FMNL1: variants seen among roughly 807,000 people sequenced by gnomAD.
The protein encoded by FMNL1 is formin like 1, also known as formin-like protein 1.
FMNL1 carries 43 observed loss-of-function variants against 121.3 expected under a neutral mutation model. That is an observed-to-expected ratio of 0.35 (90% confidence interval 0.28 to 0.46). FMNL1 has a LOEUF of 0.46. FMNL1 is among the 20% of genes least tolerant of loss of function. The probability of loss-of-function intolerance (pLI) is 1.00; values close to 1 mark genes in which losing one functional copy is unlikely to be tolerated. For synonymous variants in FMNL1, 613 were observed against 613.5 expected, an observed-to-expected ratio of 1.00 and a Z score of 0.01; for missense variants, 1,191 against 1,482.4, an observed-to-expected ratio of 0.80 and a Z score of 3.23.
At chr17:45,240,893 GC>G (rs2143532370) in intron 12 of FMNL1, 1 of 695,684 alleles carries the variant, frequency 1.4e-6, no homozygotes, top group East Asian at 2.7e-5. Context: ...GGTGCCTGGG[GC>G]CCCTCCCAGC....
In FMNL1 at chr17:45,239,176, T is replaced by C; in HGVS notation, c.1080+111T>C. 3 of 853,634 alleles carry C rather than the reference T, an allele frequency of 3.5e-6. No individual in the cohort carries two copies. In the East Asian group the frequency reaches 7.5e-5, roughly 21 times the overall value. The allele number at this position is 853,634 out of a possible 1,614,324, so 52.9% of individuals were successfully genotyped here. A position where few individuals can be genotyped will look rare whatever the true frequency, so the allele number is the denominator to read the frequency against. On this transcript the variant is annotated intron_variant, in intron 11 of 26. Transcript: ENST00000331495. ...GGTAGACCTGGGTTTAAATCCTGGCTCTGCCGTTGCCTGCCGTGTGACCTT... is the reference window on the plus strand; with the variant it reads ...GGTAGACCTGGGTTTAAATCCTGGCCCTGCCGTTGCCTGCCGTGTGACCTT...
intron 11 of FMNL1, among the ~76,000 whole-genome samples, chr17:45,239,469 G>T (rs1391095513): frequency 8.5e-5 from 13 of 152,162 alleles, no homozygotes; most frequent in Non-Finnish European, 1.8e-4. Flanking sequence ...GGCTCATGCT[G>T]GATGGGCCCA....
At chr17:45,245,766 T>A in intron 23 of FMNL1, 33 bp downstream of exon 23, 1 of 1,612,170 alleles carries the variant, frequency 6.2e-7, no homozygotes, top group Middle Eastern at 1.7e-4. Context: ...GGGAGCCCTG[T>A]AGGGCACTGA....
chr17:45,241,503 A>G lies in FMNL1; in HGVS notation c.1454A>G (p.Glu485Gly). ...ALELKVEELE[E>G]KGLIRILRGP... ...GAGCTGAAGGTGGAGGAGCTGGAGG[A>G]GAAGGGGTTAATCCGTATTCTGCGG... Residue 485 changes from glutamate to glycine, a missense_variant, in exon 14 of 27, where the codon GAG (glutamate) becomes GGG (glycine). Physicochemically the swap from Glu to Gly is moderately conservative, Grantham distance 98. This residue lies in a region of FMNL1 where 519 missense variants were observed against 492.8 expected (regional missense o/e 1.05). Coordinates refer to ENST00000331495, the MANE Select transcript of FMNL1 (RefSeq NM_005892.4). The surrounding 1 kb of genome is among the most constrained non-coding windows in gnomAD (Gnocchi z 7.0). 6.3e-7 allele frequency: 1 copy of G among 1,579,956 alleles called. No individual in the cohort carries two copies. The highest frequency in any genetic ancestry group is 8.6e-7 in the Non-Finnish European group (1 of 1,163,930).
chr17:45,225,061 G>A (rs924186241), intron 1 of FMNL1, among the ~76,000 whole-genome samples: 16 of 152,228 alleles, frequency 1.1e-4, no homozygotes, highest in African/African-American at 3.1e-4. Context: ...CTGATCTGCC[G>A]GGCAGGGAGA....
rs1438522150 is a variant in FMNL1, at chr17:45,222,190, C to G, written c.66C>G (p.Pro22=). 4 of 1,249,182 alleles carry G rather than the reference C, an allele frequency of 3.2e-6. No individual in the cohort carries two copies. The highest frequency in any genetic ancestry group is 7.3e-5 in the East Asian group (2 of 27,536). 77.4% of individuals were successfully genotyped at this position (1,249,182 alleles called of 1,614,324 possible). Residue 22 remains proline (P), a synonymous_variant, in exon 1 of 27, where the codon CCC becomes CCG. Transcript: ENST00000331495. ...CCGCCGCGCCGCCCCCCAAGCAGCC[C>G]GCGCCTCCCAAGCAGCCGATGCCCG... The part of the protein sequence containing the change: ...AGPAAPPPKQ[P]APPKQPMPAA...
At position 45,226,142 on chromosome 17, in the gene FMNL1, G is replaced by A. The variant is rs376741841; in HGVS notation, c.129+3889G>A. On this transcript the variant is annotated intron_variant, in intron 1 of 26. Coordinates refer to ENST00000331495, the MANE Select transcript of FMNL1 (RefSeq NM_005892.4). ...GTGAGGGCCAGGCAACCTCCCCACC[G>A]TTATGCAGGTCACCAGCAGTGGGGC... 1.1e-3 allele frequency among the ~76,000 whole-genome samples: 160 copies of A among 152,304 alleles called. 4 individuals carry two copies. Among genetic ancestry groups the A allele is most frequent in the African/African-American group, 3.7e-3 (152 of 41,572 alleles).
intron 16 of FMNL1, 72 bp from the exon 17 acceptor site, chr17:45,243,046 G>C: frequency 1.3e-6 from 2 of 1,539,502 alleles, no homozygotes; most frequent in Non-Finnish European, 1.8e-6. Context: ...GATGGCTCTA[G>C]CACTGTGCTC....
chr17:45,222,122 A>G lies in FMNL1; in HGVS notation c.-3A>G. 8.6e-7 allele frequency: 1 copy of G among 1,168,326 alleles called. No homozygotes were observed. Among genetic ancestry groups the G allele is most frequent in the Non-Finnish European group, 1.1e-6 (1 of 950,066 alleles). 72.4% of individuals were successfully genotyped at this position (1,168,326 alleles called of 1,614,324 possible). A position where few individuals can be genotyped will look rare whatever the true frequency, so the allele number is the denominator to read the frequency against. On this transcript the variant is annotated 5_prime_UTR_variant, in exon 1 of 27. Transcript: ENST00000331495. ...GCGCCTGGCCGGCTGGGTGGGGACC[A>G]CCATGGGCAACGCGGCCGGCAGCGC...
intron 1 of FMNL1, among the ~76,000 whole-genome samples, chr17:45,228,491 A>T (rs2043374251): frequency 6.6e-6 from 1 of 152,164 alleles, no homozygotes. Context: ...CTCTCCTCTT[A>T]CTGGCTTCGT....
chr17:45,235,516 G>A (rs894166268), intron 6 of FMNL1, among the ~76,000 whole-genome samples: 5 of 152,206 alleles, frequency 3.3e-5, no homozygotes, highest in African/African-American at 1.2e-4. Flanking sequence ...GAATGTGATA[G>A]AATCATCAGA....
intron 12 of FMNL1, 192 bp downstream of exon 12, chr17:45,240,817 T>A: frequency 6.0e-6 from 5 of 839,868 alleles, no homozygotes; most frequent in Middle Eastern, 3.6e-4. Context: ...TCAATGAGTG[T>A]GGGTGAGCAC....
At chr17:45,223,099 C>T (rs116037390) in intron 1 of FMNL1, among the ~76,000 whole-genome samples, 63 of 152,252 alleles carry the variant, frequency 4.1e-4, no homozygotes, top group African/African-American at 1.4e-3. Flanking sequence ...GGAAGAGCTG[C>T]TCACTCTCAC....
chr17:45,227,094 G>A lies in FMNL1; in HGVS notation c.130-3510G>A, dbSNP rs2043344725. Among the ~76,000 whole-genome samples, 5 of 152,186 alleles carry A rather than the reference G, an allele frequency of 3.3e-5. No individual in the cohort carries two copies. In the South Asian group the frequency reaches 1.0e-3, roughly 32 times the overall value. On this transcript the variant is annotated intron_variant, in intron 1 of 26. Transcript: ENST00000331495. ...TGGGGGAGTGGGGGCTGGGGGACAGGCTCAGCTTCTGGGCCCATCGGGCTG... is the reference window on the plus strand; with the variant it reads ...TGGGGGAGTGGGGGCTGGGGGACAGACTCAGCTTCTGGGCCCATCGGGCTG...
rs764377812 is a variant in FMNL1 at position 45,238,939 on chromosome 17, T to C, written c.970-16T>C. ...ACCTAGAGGATCATAGATCTCCCCA[T>C]GTCCCTGGCTCCCAGGTGGCCTGCA... On this transcript the variant is annotated splice_polypyrimidine_tract_variant and intron_variant, in intron 10 of 26. Coordinates refer to ENST00000331495, the MANE Select transcript of FMNL1 (RefSeq NM_005892.4). The C allele has an allele frequency of 6.2e-7, 1 of 1,608,592 alleles. No individual in the cohort carries two copies. Among genetic ancestry groups the C allele is most frequent in the Admixed American group, 1.7e-5 (1 of 60,016 alleles).
chr17:45,236,296 T>C (rs2043549087), intron 7 of FMNL1, 52 bp downstream of exon 7: 2 of 1,483,468 alleles, frequency 1.3e-6, no homozygotes, highest in East Asian at 2.3e-5. Flanking sequence ...CTGTCCTCAC[T>C]GGGGGCTACA....
intron 1 of FMNL1, among the ~76,000 whole-genome samples, chr17:45,229,046 C>T (rs1447032730): frequency 2.2e-5 from 3 of 133,856 alleles, no homozygotes; most frequent in South Asian, 2.2e-4. Context: ...TACTCCTGGG[C>T]GGTTCCCCCA....
At chr17:45,243,769 T>C in intron 17 of FMNL1, 22 bp from the exon 18 acceptor site, 1 of 1,597,200 alleles carries the variant, frequency 6.3e-7, no homozygotes, top group Non-Finnish European at 8.6e-7. Context: ...ATGCCCAATC[T>C]CCCCTCTCCT....
chr17:45,227,776 G>A (rs1383524145), intron 1 of FMNL1, among the ~76,000 whole-genome samples: 2 of 152,202 alleles, frequency 1.3e-5, no homozygotes, highest in Non-Finnish European at 2.9e-5. Flanking sequence ...TTCTCACTGA[G>A]TGTTCCAGGA....
Sources: allele counts gnomAD v4.1 joint callset (sites outside exome capture counted in the v4.1 genomes callset), GRCh38; gene constraint gnomAD v4.1.1; regional missense constraint gnomAD v4.1.1; non-coding constraint Gnocchi (gnomAD v3.1); transcripts MANE v1.5; gene names NCBI Gene and HGNC (gene_info 2026-07-23, HGNC 2026-07-21).